HIPK3: variants seen among roughly 807,000 people sequenced by gnomAD.
HIPK3 encodes homeodomain-interacting protein kinase 3.
Under a neutral mutation model 124.2 loss-of-function variants are expected in HIPK3, and 47 were observed. The ratio of observed to expected loss-of-function variants is 0.38; its 90% CI spans 0.30 to 0.48. The LOEUF (loss-of-function observed/expected upper bound fraction) is 0.48, where lower values mean the gene tolerates loss of function less well. HIPK3 is among the 20% of genes least tolerant of loss of function. The pLI is 0.98. For synonymous variants in HIPK3, 482 were observed against 515.2 expected (o/e 0.94, Z 0.87); for missense variants, 1,286 against 1,454.3 (o/e 0.88, Z 1.88).
intron 2 of HIPK3, among the ~76,000 whole-genome samples, chr11:33,316,599 G>T (rs1255002915): frequency 6.6e-6 from 1 of 152,158 alleles, no homozygotes; most frequent in Non-Finnish European, 1.5e-5. Context: ...GAGGTAAGGG[G>T]ATCACTTGAG....
intron 2 of HIPK3, among the ~76,000 whole-genome samples, chr11:33,288,395 C>A (rs1851612049): frequency 6.6e-6 from 1 of 152,114 alleles, no homozygotes; most frequent in Non-Finnish European, 1.5e-5. Flanking sequence ...ATGGAGGTTG[C>A]AGTGAGCCGA....
intron 2 of HIPK3, among the ~76,000 whole-genome samples, chr11:33,308,544 C>T (rs569063092): frequency 1.3e-5 from 2 of 151,888 alleles, no homozygotes; most frequent in South Asian, 2.1e-4. Flanking sequence ...CCTTTTCCCC[C>T]CTCTGGCTGC....
intron 2 of HIPK3, among the ~76,000 whole-genome samples, chr11:33,319,533 T>G (rs1852603314): frequency 6.6e-6 from 1 of 152,022 alleles, no homozygotes; most frequent in African/African-American, 2.4e-5. Flanking sequence ...TGGCACATTG[T>G]TAAAGCTCAG....
rs1206807252 is a variant in HIPK3 at position 33,353,168 on chromosome 11, C to T, written c.3248C>T (p.Thr1083Ile). The T allele has an allele frequency of 4.3e-6, 7 of 1,613,688 alleles. No individual in the cohort carries two copies. The highest frequency in any genetic ancestry group is 1.3e-5 in the African/African-American group (1 of 74,798). Residue 1083 changes from threonine to isoleucine, a missense_variant, in exon 17 of 17, where the codon ACT (threonine) becomes ATT (isoleucine). Around this residue, in one of 3 missense-constraint regions of HIPK3, gnomAD observed 810 missense variants for 864.9 expected, o/e 0.94. Coordinates refer to ENST00000303296, the MANE Select transcript of HIPK3 (RefSeq NM_005734.5). ...GHRRQQAYIP[T>I]SVTSNPFTLS... is the part of the protein sequence containing the mutation. ...AGAAGACAGCAAGCTTATATTCCTA[C>T]TAGTGTTACCAGTAATCCATTCACT...
At chr11:33,314,693 C>T (rs1452767059) in intron 2 of HIPK3, among the ~76,000 whole-genome samples, 1 of 152,036 alleles carries the variant, frequency 6.6e-6, no homozygotes, top group Non-Finnish European at 1.5e-5. Flanking sequence ...GAAGCTGACT[C>T]TAATAAGTAC....
intron 2 of HIPK3, among the ~76,000 whole-genome samples, chr11:33,305,064 A>G (rs1161245466): frequency 6.6e-6 from 1 of 152,160 alleles, no homozygotes; most frequent in Non-Finnish European, 1.5e-5. Context: ...ACAGTGGCAC[A>G]ATCTTGGCTC....
chr11:33,341,691 TA>T lies in HIPK3; in HGVS notation c.1897+6del. 6.3e-7 allele frequency: 1 copy of T among 1,594,526 alleles called. No homozygotes were observed. Among genetic ancestry groups the T allele is most frequent in the South Asian group, 1.2e-5 (1 of 86,668 alleles). ...TCTGTCCCCCAGCTATTCAAGGTAT[TA>T]TTTTATTTAAATTTTGCTTTGAATC... On this transcript the variant is annotated splice_donor_region_variant and intron_variant, in intron 8 of 16. Transcript: ENST00000303296.
intron 2 of HIPK3, among the ~76,000 whole-genome samples, chr11:33,303,847 C>T (rs1852074144): frequency 6.6e-6 from 1 of 152,150 alleles, no homozygotes; most frequent in Admixed American, 6.6e-5. Context: ...AAGGAACAAA[C>T]ATTTCTTTCG....
In HIPK3 at chr11:33,353,305, A is replaced by G. The variant is rs371485212; in HGVS notation, c.3385A>G (p.Ser1129Gly). The part of the protein sequence containing the change: ...LPYPSSATLS[S>G]AAPVAHLLAS... ...ATACCCATCATCAGCCACCCTCAGT[A>G]GTGCTGCACCAGTGGCCCACCTGTT... The change falls in exon 17 of 17, where the codon AGT (serine) becomes GGT (glycine). Residue 1129 changes from serine to glycine, a missense_variant. Around this residue, in one of 3 missense-constraint regions of HIPK3, gnomAD observed 810 missense variants for 864.9 expected, o/e 0.94. Coordinates refer to ENST00000303296, the MANE Select transcript of HIPK3 (RefSeq NM_005734.5). 6.2e-7 allele frequency: 1 copy of G among 1,614,158 alleles called. No individual in the cohort carries two copies. The highest frequency in any genetic ancestry group is 1.3e-5 in the African/African-American group (1 of 75,064).
Position 33,355,145 on chromosome 11 carries a change from G to C in HIPK3, c.*1577G>C, listed in dbSNP as rs1289436515. On this transcript the variant is annotated 3_prime_UTR_variant, in exon 17 of 17. Transcript: ENST00000303296. ...TGTGAAATTAGGTGATTAACTAGTTGTTATTTAGCCTTCTAATTTCTGTAT... is the reference window on the plus strand; with the variant it reads ...TGTGAAATTAGGTGATTAACTAGTTCTTATTTAGCCTTCTAATTTCTGTAT... The C allele has an allele frequency of 6.6e-6, 1 of 152,024 alleles. No homozygotes were observed. The highest frequency in any genetic ancestry group is 1.5e-5 in the Non-Finnish European group (1 of 67,948). 9.4% of individuals were successfully genotyped at this position (152,024 alleles called of 1,614,324 possible). A position where few individuals can be genotyped will look rare whatever the true frequency, so the allele number is the denominator to read the frequency against.
At chr11:33,301,621 A>T (rs1312816395) in intron 2 of HIPK3, among the ~76,000 whole-genome samples, 272 of 144,630 alleles carry the variant, frequency 1.9e-3, no homozygotes, top group African/African-American at 6.7e-3. Flanking sequence ...CATCTCTATA[A>T]AAAAAAAAAA....
chr11:33,291,652 G>A (rs1323431468), intron 2 of HIPK3, among the ~76,000 whole-genome samples: 2 of 152,198 alleles, frequency 1.3e-5, no homozygotes, highest in Non-Finnish European at 2.9e-5. Flanking sequence ...GCTCTTAAAC[G>A]TGTAAAAGGC....
chr11:33,320,743 G>C (rs1279908701), intron 2 of HIPK3, among the ~76,000 whole-genome samples: 1 of 152,208 alleles, frequency 6.6e-6, no homozygotes, highest in African/African-American at 2.4e-5. Context: ...GAAACTGAAA[G>C]GACAGAATTG....
At chr11:33,304,538 C>T (rs1852099636) in intron 2 of HIPK3, among the ~76,000 whole-genome samples, 1 of 148,210 alleles carries the variant, frequency 6.7e-6, no homozygotes, top group African/African-American at 2.5e-5. Context: ...GCCTGGGCAA[C>T]AGGAGCAAAA....
At position 33,352,278 on chromosome 11, in the gene HIPK3, G is replaced by GAAC. The variant is rs1853686153; in HGVS notation, c.3171+13_3171+14insAAC. The GAAC allele has an allele frequency of 6.2e-7, 1 of 1,613,428 alleles. No individual in the cohort carries two copies. Among genetic ancestry groups the GAAC allele is most frequent in the Non-Finnish European group, 8.5e-7 (1 of 1,179,724 alleles). On this transcript the variant is annotated intron_variant, in intron 16 of 16. Transcript: ENST00000303296. ...GAACTTCAGTCAGGTATGTTCATTT[G>GAAC]TGGATATGTAGGAGTCTGTGGGATT...
chr11:33,262,040 A>G (rs894692509), intron 1 of HIPK3, among the ~76,000 whole-genome samples: 5 of 152,184 alleles, frequency 3.3e-5, no homozygotes, highest in Admixed American at 3.3e-4. Flanking sequence ...GTGTAAAGGA[A>G]TTATTTTAAA....
upstream of HIPK3, chr11:33,257,314 G>A: frequency 1.0e-6 from 1 of 983,738 alleles, no homozygotes; most frequent in South Asian, 4.7e-5. Flanking sequence ...CCGGGCGGGC[G>A]GTGGCGCTGC....
intron 2 of HIPK3, among the ~76,000 whole-genome samples, chr11:33,304,356 G>A (rs1476650115): frequency 6.6e-6 from 1 of 152,142 alleles, no homozygotes; most frequent in Non-Finnish European, 1.5e-5. Context: ...TCGGGACTTC[G>A]AGACCAACCT....
chr11:33,313,012 A>G (rs1021014567), intron 2 of HIPK3, among the ~76,000 whole-genome samples: 5 of 152,348 alleles, frequency 3.3e-5, no homozygotes, highest in African/African-American at 4.8e-5. Context: ...GCACATAACA[A>G]TTGTTCTAAG....
Sources: allele counts gnomAD v4.1 joint callset (sites outside exome capture counted in the v4.1 genomes callset), GRCh38; gene constraint gnomAD v4.1.1; regional missense constraint gnomAD v4.1.1; transcripts MANE v1.5; gene names NCBI Gene and HGNC (gene_info 2026-07-23, HGNC 2026-07-21).